GSG1L: variants seen among roughly 807,000 people sequenced by gnomAD.
GSG1L encodes the protein germ cell-specific gene 1-like protein.
Under a neutral mutation model 42.1 loss-of-function variants are expected in GSG1L, and 24 were observed. The ratio of observed to expected loss-of-function variants is 0.57; its 90% CI spans 0.41 to 0.80. GSG1L has a LOEUF of 0.80. GSG1L is among the 30% of genes least tolerant of loss of function. The pLI is 0.00. For synonymous variants in GSG1L, 215 were observed against 203.5 expected (o/e 1.06, Z -0.48); for missense variants, 445 against 472.2 (o/e 0.94, Z 0.53).
intron 6 of GSG1L, among the ~76,000 whole-genome samples, chr16:27,791,814 A>G (rs2082757676): frequency 1.3e-5 from 2 of 151,938 alleles, no homozygotes; most frequent in Non-Finnish European, 2.9e-5. Flanking sequence ...CACACCTGCC[A>G]ACAGGTGCAC....
At chr16:28,033,035 T>G (rs2085985354) in intron 1 of GSG1L, among the ~76,000 whole-genome samples, 1 of 152,218 alleles carries the variant, frequency 6.6e-6, no homozygotes, top group African/African-American at 2.4e-5. Context: ...AGTCCAAATT[T>G]TATACTGCAG....
intron 3 of GSG1L, among the ~76,000 whole-genome samples, chr16:27,859,108 C>T (rs748555040): frequency 3.2e-4 from 48 of 152,098 alleles, no homozygotes; most frequent in Non-Finnish European, 5.4e-4. Context: ...AGCCACGAGA[C>T]GGTCTTGAGC....
chr16:27,911,933 G>A (rs1289474404), intron 2 of GSG1L, among the ~76,000 whole-genome samples: 1 of 152,192 alleles, frequency 6.6e-6, no homozygotes, highest in Non-Finnish European at 1.5e-5. Context: ...CATGGAGGCA[G>A]GGGTTTTTGT....
chr16:27,936,410 A>G (rs1037159733), intron 2 of GSG1L, among the ~76,000 whole-genome samples: 6 of 152,074 alleles, frequency 3.9e-5, no homozygotes, highest in African/African-American at 1.4e-4. Context: ...TTCTCACTCT[A>G]TTCGTTTCTG....
intron 1 of GSG1L, among the ~76,000 whole-genome samples, chr16:28,047,048 G>A (rs2086169759): frequency 6.6e-6 from 1 of 152,174 alleles, no homozygotes; most frequent in Non-Finnish European, 1.5e-5. Flanking sequence ...GACCCAGCAC[G>A]TGGACAGTGA....
chr16:27,996,440 T>C (rs1290799988), intron 1 of GSG1L, among the ~76,000 whole-genome samples: 4 of 152,092 alleles, frequency 2.6e-5, no homozygotes, highest in African/African-American at 7.3e-5. Context: ...AACCTACATT[T>C]CCATTAATTA....
rs190465481 is a variant in GSG1L, at chr16:27,829,039, A to G, written c.663-83T>C. On this transcript the variant is annotated intron_variant, in intron 4 of 6. Coordinates refer to ENST00000447459, the MANE Select transcript of GSG1L (RefSeq NM_001109763.2). ...TCCCACACCCACCAAACATTCATTCATCCCTGCATGGCTGCCTTTTCCTCT... is the reference window on the plus strand; with the variant it reads ...TCCCACACCCACCAAACATTCATTCGTCCCTGCATGGCTGCCTTTTCCTCT... The G allele has an allele frequency of 6.7e-5, 90 of 1,335,050 alleles. No individual in the cohort carries two copies. The East Asian group carries it at 2.2e-3, about 32-fold the overall frequency. 82.7% of individuals were successfully genotyped at this position (1,335,050 alleles called of 1,614,324 possible).
chr16:27,888,466 C>CTTTCTTTCTT (rs1567505760), intron 2 of GSG1L, among the ~76,000 whole-genome samples: 1 of 36,558 alleles, frequency 2.7e-5, no homozygotes, highest in African/African-American at 8.9e-5. Flanking sequence ...CTTTCTTTCT[C>CTTTCTTTCTT]TCTCTCTCTC....
chr16:27,870,409 C>G (rs2083804240), intron 3 of GSG1L, among the ~76,000 whole-genome samples: 1 of 151,122 alleles, frequency 6.6e-6, no homozygotes, highest in African/African-American at 2.5e-5. Context: ...CTCCATCTCT[C>G]TCTCCTTCTC....
rs1207519985 is a variant in GSG1L at position 27,790,914 on chromosome 16, T to C, written c.*456A>G. ...AGAAAACAAGTTCAACAAGCATTTATTGAGCCCCTGCTGTGTGCCTGCTGT... is the reference window on the plus strand; with the variant it reads ...AGAAAACAAGTTCAACAAGCATTTACTGAGCCCCTGCTGTGTGCCTGCTGT... On this transcript the variant is annotated 3_prime_UTR_variant, in exon 7 of 7. Transcript: ENST00000447459. The C allele has an allele frequency of 1.9e-5, 3 of 155,838 alleles. No homozygotes were observed. Among genetic ancestry groups the C allele is most frequent in the Non-Finnish European group, 4.2e-5 (3 of 70,682 alleles). The allele number at this position is 155,838 out of a possible 1,614,324, so 9.7% of individuals were successfully genotyped here.
At position 27,821,786 on chromosome 16, in the gene GSG1L, C is replaced by T. The variant is rs548107350; in HGVS notation, c.830+7003G>A. Among the ~76,000 whole-genome samples the T allele has an allele frequency of 7.8e-4, 118 of 152,082 alleles. 1 individual carries two copies. The Middle Eastern group carries it at 0.01, about 13-fold the overall frequency. ...GTGCGTGGTGGCGGGCACCTGTAGT[C>T]CCAGTTACTCAGGAGGCTGAAGCAG... On this transcript the variant is annotated intron_variant, in intron 5 of 6. Coordinates refer to ENST00000447459, the MANE Select transcript of GSG1L (RefSeq NM_001109763.2).
chr16:27,921,176 G>T (rs972743408), intron 2 of GSG1L, among the ~76,000 whole-genome samples: 6 of 152,106 alleles, frequency 3.9e-5, no homozygotes, highest in Admixed American at 1.3e-4. Context: ...CATTCTGACG[G>T]TTCAAATATT....
At chr16:27,816,318 A>T (rs2083093400) in intron 5 of GSG1L, among the ~76,000 whole-genome samples, 1 of 152,196 alleles carries the variant, frequency 6.6e-6, no homozygotes, top group South Asian at 2.1e-4. Context: ...AAACCTCTGG[A>T]TTCAGGGCAG....
chr16:27,960,730 G>A (rs1232772470), intron 2 of GSG1L, among the ~76,000 whole-genome samples: 3 of 152,126 alleles, frequency 2.0e-5, no homozygotes, highest in East Asian at 1.9e-4. Context: ...GAGGCCACAC[G>A]GGCTGCCTTG....
intron 3 of GSG1L, among the ~76,000 whole-genome samples, chr16:27,849,210 A>G (rs1433525108): frequency 6.6e-6 from 1 of 151,114 alleles, no homozygotes; most frequent in Non-Finnish European, 1.5e-5. Context: ...AAAGAAAAAA[A>G]AAAAAAAAAA....
At chr16:27,922,261 T>C (rs979201103) in intron 2 of GSG1L, among the ~76,000 whole-genome samples, 1 of 152,152 alleles carries the variant, frequency 6.6e-6, no homozygotes, top group Non-Finnish European at 1.5e-5. Context: ...ATTCCCATGT[T>C]TCCAGGTCTC....
At chr16:27,875,529 T>C (rs74015122) in intron 3 of GSG1L, among the ~76,000 whole-genome samples, 2,533 of 152,258 alleles carry the variant, frequency 0.017, 68 homozygotes, top group African/African-American at 0.058. Flanking sequence ...GATCGTTCGG[T>C]TCCACTGTGG....
At chr16:27,980,856 G>A (rs1354596979) in intron 1 of GSG1L, among the ~76,000 whole-genome samples, 2 of 150,518 alleles carry the variant, frequency 1.3e-5, no homozygotes, top group Admixed American at 1.3e-4. Flanking sequence ...ACTCTAGCCT[G>A]GGCAATAGAG....
chr16:28,005,189 C>G (rs1342822201), intron 1 of GSG1L, among the ~76,000 whole-genome samples: 1 of 152,142 alleles, frequency 6.6e-6, no homozygotes, highest in East Asian at 1.9e-4. Context: ...TCTCAGCTCA[C>G]CGCAACCTCC....
Sources: allele counts gnomAD v4.1 joint callset (sites outside exome capture counted in the v4.1 genomes callset), GRCh38; gene constraint gnomAD v4.1.1; transcripts MANE v1.5; gene names NCBI Gene and HGNC (gene_info 2026-07-23, HGNC 2026-07-21).